The following GPRC5C variants were observed in gnomAD, a reference collection of about 807,000 sequenced individuals.
GPRC5C encodes G protein-coupled receptor class C group 5 member C.
Under a neutral mutation model 31.4 loss-of-function variants are expected in GPRC5C, and 22 were observed. That is an observed-to-expected ratio of 0.70 (90% CI 0.50 to 1.00). GPRC5C has a LOEUF of 1.00. Among genes scored for constraint, GPRC5C ranks in the 50% least tolerant of loss-of-function variants. The pLI is 0.00. For synonymous variants in GPRC5C, 249 were observed against 257.5 expected (o/e 0.97, Z 0.32); for missense variants, 557 against 597.2 (o/e 0.93, Z 0.70).
chr17:74,441,978 G>A (rs1427377999), intron 2 of GPRC5C, among the ~76,000 whole-genome samples: 1 of 152,104 alleles, frequency 6.6e-6, no homozygotes, highest in Admixed American at 6.5e-5. Context: ...TTCTTTAAAA[G>A]GAAGTATTTT....
rs202033603 is a variant in GPRC5C, at chr17:74,443,868, A to C, written c.1102A>C (p.Ser368Arg). 6.2e-7 allele frequency: 1 copy of C among 1,613,692 alleles called. No individual in the cohort carries two copies. Among genetic ancestry groups the C allele is most frequent in the Admixed American group, 1.7e-5 (1 of 59,986 alleles). ...CGGGTACAATGGGCAGCTGCTGACC[A>C]GTGTGTACCAGCCCACTGAGATGGC... Reference protein sequence around the residue: ...YSGYNGQLLTSVYQPTEMALM... With the variant: ...YSGYNGQLLTRVYQPTEMALM... Residue 368 changes from serine (S) to arginine (R), a missense_variant, in exon 3 of 4, where the codon AGT becomes CGT. Coordinates refer to ENST00000392627, the MANE Select transcript of GPRC5C (RefSeq NM_022036.4).
At chr17:74,432,206 AGCG>A in intron 1 of GPRC5C, 65 bp downstream of exon 1, 2 of 1,563,762 alleles carry the variant, frequency 1.3e-6, no homozygotes, top group Non-Finnish European at 1.7e-6. Flanking sequence ...ACGTACCTGG[AGCG>A]CGGCGGGCGC....
chr17:74,433,632 G>C (rs533816797), intron 1 of GPRC5C: 1 of 1,258,470 alleles, frequency 7.9e-7, no homozygotes, highest in Admixed American at 1.7e-5. Flanking sequence ...TCGGGCCATC[G>C]TCTTTCCCTA....
intron 2 of GPRC5C, among the ~76,000 whole-genome samples, 174 bp downstream of exon 2, chr17:74,441,001 A>G (rs1056900367): frequency 6.6e-6 from 1 of 151,182 alleles, no homozygotes; most frequent in Non-Finnish European, 1.5e-5. Flanking sequence ...TCAGTTGGGC[A>G]TGGTAGATCA....
At chr17:74,433,643 T>C (rs1413807802) in intron 1 of GPRC5C, 10 of 1,346,050 alleles carry the variant, frequency 7.4e-6, no homozygotes, top group African/African-American at 1.4e-5. Flanking sequence ...TCTTTCCCTA[T>C]AGGCTCTTGA....
chr17:74,440,463 C>G lies in GPRC5C; in HGVS notation c.687C>G (p.Pro229=). 1 of 1,614,114 alleles carries G rather than the reference C, an allele frequency of 6.2e-7. No homozygotes were observed. The highest frequency in any genetic ancestry group is 1.1e-5 in the South Asian group (1 of 91,086). ...TGGGTGCCTTCCTGGGGGCCTGGCCCGCCCTGTGTGGCCGCTACAAGCGCT... is the reference window on the plus strand; with the variant it reads ...TGGGTGCCTTCCTGGGGGCCTGGCCGGCCCTGTGTGGCCGCTACAAGCGCT... ...LLLGAFLGAW[P]ALCGRYKRWR... Residue 229 remains proline (P), a synonymous_variant, in exon 2 of 4, where the codon CCC becomes CCG. Transcript: ENST00000392627. The surrounding 1 kb of genome is among the most constrained non-coding windows in gnomAD (Gnocchi z 4.4).
chr17:74,437,043 A>G (rs1007843681), intron 1 of GPRC5C, among the ~76,000 whole-genome samples: 1 of 152,132 alleles, frequency 6.6e-6, no homozygotes, highest in Non-Finnish European at 1.5e-5. Flanking sequence ...TCCCAGGTTC[A>G]AGGGATTCTT....
At chr17:74,450,246 A>T (rs2055700581), downstream of GPRC5C, 1 of 152,260 alleles carries the variant, frequency 6.6e-6, no homozygotes, top group Non-Finnish European at 1.5e-5. Context: ...TGTGGCAGGA[A>T]CAGGTGTCCA....
At chr17:74,444,353 G>A (rs946308348) in intron 3 of GPRC5C, among the ~76,000 whole-genome samples, 2 of 152,152 alleles carry the variant, frequency 1.3e-5, no homozygotes, top group Non-Finnish European at 2.9e-5. Flanking sequence ...CTGTGCCAAG[G>A]GGGCCCACAC....
At chr17:74,437,030 G>A (rs889866823) in intron 1 of GPRC5C, among the ~76,000 whole-genome samples, 1 of 152,068 alleles carries the variant, frequency 6.6e-6, no homozygotes, top group Non-Finnish European at 1.5e-5. Context: ...GCAATCTTCT[G>A]CCTCCCAGGT....
chr17:74,440,297 G>A lies in GPRC5C; in HGVS notation c.521G>A (p.Trp174Ter). The change falls in exon 2 of 4, where the codon TGG becomes TAG. Residue 174 changes from tryptophan (W) to a stop codon, truncating the protein, a stop_gained. Transcript: ENST00000392627. LOFTEE classifies it high-confidence loss of function. The surrounding 1 kb of genome is among the most constrained non-coding windows in gnomAD (Gnocchi z 4.4). ...GTAGAGGTCATCATCAATACAGAGT[G>A]GCTGATCATCACCCTGGTTCGGGGC... is the stretch of plus-strand genomic sequence containing the variant. Reference protein sequence around the residue: ...TLVEVIINTEWLIITLVRGSG... With the variant: ...TLVEVIINTE 1 of 1,614,178 alleles carries A rather than the reference G, an allele frequency of 6.2e-7. No homozygotes were observed. Among genetic ancestry groups the A allele is most frequent in the Non-Finnish European group, 8.5e-7 (1 of 1,180,014 alleles).
rs71157066 is a variant in GPRC5C, at chr17:74,438,206, CATATATATATATATATATATAT to C, written c.-32-1514_-32-1493del. Among the ~76,000 whole-genome samples, 183 of 45,274 alleles carry C rather than the reference CATATATATATATATATATATAT, an allele frequency of 4.0e-3. 3 individuals are homozygous for C. The highest frequency in any genetic ancestry group is 9.9e-3 in the Admixed American group (34 of 3,444). 29.7% of individuals were successfully genotyped at this position (45,274 alleles called of 152,430 possible). A position where few individuals can be genotyped will look rare whatever the true frequency, so the allele number is the denominator to read the frequency against. On this transcript the variant is annotated intron_variant, in intron 1 of 3. Coordinates refer to ENST00000392627, the MANE Select transcript of GPRC5C (RefSeq NM_022036.4). ...CATGCCACCACACTCTCTGCTAATT[CATATATATATATATATATATAT>C]ATATATATATATATATATATATATT...
At position 74,446,725 on chromosome 17, in the gene GPRC5C, G is replaced by A. The variant is rs561205463; in HGVS notation, c.1147-124G>A. 617 of 753,374 alleles carry A rather than the reference G, an allele frequency of 8.2e-4. 1 individual carries two copies. Among genetic ancestry groups the A allele is most frequent in the Non-Finnish European group, 1.0e-3 (482 of 460,160 alleles). The allele number at this position is 753,374 out of a possible 1,614,324, so 46.7% of individuals were successfully genotyped here. A position where few individuals can be genotyped will look rare whatever the true frequency, so the allele number is the denominator to read the frequency against. ...CTGGGGCCCAGCCAGAGGGGGCAGA[G>A]GAGCCGAGGGGGGAGTTGGGGGGGA... On this transcript the variant is annotated intron_variant, in intron 3 of 3. Coordinates refer to ENST00000392627, the MANE Select transcript of GPRC5C (RefSeq NM_022036.4).
rs1388402718 is a variant in GPRC5C at position 74,433,790 on chromosome 17, G to A, written c.-33+1649G>A. 18 of 1,505,134 alleles carry A rather than the reference G, an allele frequency of 1.2e-5. 1 individual carries two copies. The highest frequency in any genetic ancestry group is 1.1e-4 in the South Asian group (10 of 88,906). 93.2% of individuals were successfully genotyped at this position (1,505,134 alleles called of 1,614,324 possible). A position where few individuals can be genotyped will look rare whatever the true frequency, so the allele number is the denominator to read the frequency against. On this transcript the variant is annotated intron_variant, in intron 1 of 3. Transcript: ENST00000392627. Reference sequence around the variant, plus strand: ...TTGAGTTTGGTTGGCCCTGTGACGCGCTGGAGCTCTCTTTCCAGTGCGGTA... The same window carrying A: ...TTGAGTTTGGTTGGCCCTGTGACGCACTGGAGCTCTCTTTCCAGTGCGGTA...
intron 1 of GPRC5C, among the ~76,000 whole-genome samples, chr17:74,436,708 C>T (rs1331548415): frequency 3.9e-5 from 6 of 152,110 alleles, no homozygotes; most frequent in African/African-American, 9.7e-5. Flanking sequence ...GGGCCCTGGC[C>T]GAGGGAGGTG....
chr17:74,443,553 G>A (rs1320800430), intron 2 of GPRC5C: 5 of 620,480 alleles, frequency 8.1e-6, no homozygotes, highest in Non-Finnish European at 1.5e-5. Context: ...TTGGGTCAGG[G>A]GCTGGGGTGT....
At chr17:74,444,117 C>A (rs1567963667) in intron 3 of GPRC5C, among the ~76,000 whole-genome samples, 1 of 152,224 alleles carries the variant, frequency 6.6e-6, no homozygotes, top group Admixed American at 6.5e-5. Flanking sequence ...TACCCACCAC[C>A]TTCAGCTGCA....
At chr17:74,449,479 G>T, downstream of GPRC5C, 1 of 641,092 alleles carries the variant, frequency 1.6e-6, no homozygotes, top group South Asian at 1.6e-5. Flanking sequence ...AGGGGCCGGA[G>T]GCCACCAACC....
At chr17:74,435,803 G>A (rs1423516879) in intron 1 of GPRC5C, among the ~76,000 whole-genome samples, 2 of 152,208 alleles carry the variant, frequency 1.3e-5, no homozygotes, top group Admixed American at 6.5e-5. Flanking sequence ...CAAGAAGAAT[G>A]AGTGACATTG....
Sources: allele counts gnomAD v4.1 joint callset (sites outside exome capture counted in the v4.1 genomes callset), GRCh38; gene constraint gnomAD v4.1.1; non-coding constraint Gnocchi (gnomAD v3.1); transcripts MANE v1.5; gene names NCBI Gene and HGNC (gene_info 2026-07-23, HGNC 2026-07-21).